IBTK: variants seen among roughly 807,000 people sequenced by gnomAD.
IBTK encodes the protein inhibitor of Bruton tyrosine kinase, also known as BTK-binding protein.
Under a neutral mutation model 154.9 loss-of-function variants are expected in IBTK, and 83 were observed. That is an observed-to-expected ratio of 0.54 (90% CI 0.45 to 0.64). The LOEUF is 0.64. IBTK is among the 30% of genes least tolerant of loss of function. The pLI is 0.00. For missense variants in IBTK, 1,332 were observed against 1,584.6 expected (o/e 0.84, Z 2.71); for synonymous variants, 515 against 536.1 (o/e 0.96, Z 0.54).
At chr6:82,203,612 T>C (rs1322658426) in intron 17 of IBTK, among the ~76,000 whole-genome samples, 1 of 152,098 alleles carries the variant, frequency 6.6e-6, no homozygotes, top group Non-Finnish European at 1.5e-5. Context: ...TATCCACATA[T>C]TCCTAATAAT....
intron 8 of IBTK, among the ~76,000 whole-genome samples, chr6:82,222,061 G>A (rs926294169): frequency 1.3e-5 from 2 of 151,990 alleles, no homozygotes; most frequent in African/African-American, 2.4e-5. Flanking sequence ...CCAGCTAATC[G>A]GGAGGCTGAG....
At chr6:82,196,245 C>T in intron 22 of IBTK, 53 bp downstream of exon 22, 1 of 1,352,750 alleles carries the variant, frequency 7.4e-7, no homozygotes, top group Non-Finnish European at 9.9e-7. Context: ...AAAGATAAAC[C>T]ATCTATAAAT....
chr6:82,234,684 T>C (rs1294583346), intron 2 of IBTK, among the ~76,000 whole-genome samples: 1 of 151,772 alleles, frequency 6.6e-6, no homozygotes, highest in African/African-American at 2.4e-5. Flanking sequence ...ACCCCATAAA[T>C]ACACTGAAAA....
chr6:82,246,441 CTTT>C (rs1554189129), intron 1 of IBTK, among the ~76,000 whole-genome samples: 1 of 111,682 alleles, frequency 9.0e-6, no homozygotes, highest in Non-Finnish European at 1.8e-5. Flanking sequence ...TTACAGGCAT[CTTT>C]TTTTTTTTTT....
At chr6:82,213,614 T>C (rs571882747) in intron 12 of IBTK, among the ~76,000 whole-genome samples, 2 of 152,206 alleles carry the variant, frequency 1.3e-5, no homozygotes, top group East Asian at 3.9e-4. Flanking sequence ...AAGAAAATTG[T>C]CCCAGCCAGG....
rs773076376 is a variant in IBTK at position 82,191,114 on chromosome 6, A to G, written c.3534T>C (p.Val1178=). ...NNSGMNSMET[V]LFTPSKAPKP... Reference sequence around the variant, plus strand: ...TGGGGGCTTTTGAAGGAGTGAATAAAACTGTTTCCATGCTATTCATTCCTG... The same window carrying G: ...TGGGGGCTTTTGAAGGAGTGAATAAGACTGTTTCCATGCTATTCATTCCTG... Residue 1178 remains valine, a synonymous_variant, in exon 25 of 29, where the codon GTT becomes GTC. Coordinates refer to ENST00000306270, the MANE Select transcript of IBTK (RefSeq NM_015525.4). The G allele has an allele frequency of 6.3e-7, 1 of 1,599,890 alleles. No individual in the cohort carries two copies. Among genetic ancestry groups the G allele is most frequent in the South Asian group, 1.1e-5 (1 of 89,038 alleles).
At position 82,195,011 on chromosome 6, in the gene IBTK, TA is replaced by T. The variant is rs1415933952; in HGVS notation, c.3175-370del. ...TATGAAACAAAATGAAAGTTTTGTA[TA>T]AATGTCATATAATTCACTCTGATGT... On this transcript the variant is annotated intron_variant, in intron 22 of 28. Transcript: ENST00000306270. Among the ~76,000 whole-genome samples, 4 of 152,282 alleles carry T rather than the reference TA, an allele frequency of 2.6e-5. No homozygotes were observed. The East Asian group carries it at 7.7e-4, about 29-fold the overall frequency.
intron 16 of IBTK, among the ~76,000 whole-genome samples, chr6:82,208,496 C>T (rs2127811520): frequency 6.6e-6 from 1 of 152,242 alleles, no homozygotes; most frequent in East Asian, 1.9e-4. Context: ...AATCCCAGCA[C>T]TTTGGGAGGC....
rs141234758 is a variant in IBTK, at chr6:82,246,948, CAG to C, written c.-358+612_-358+613del. On this transcript the variant is annotated intron_variant, in intron 1 of 28. Transcript: ENST00000306270. Reference sequence around the variant, plus strand: ...AAGTTTTATGAACTACGTTGGAAAACAGGAGTCAAGGACGGCCTATGTTACCT... The same window carrying C: ...AAGTTTTATGAACTACGTTGGAAAACGAGTCAAGGACGGCCTATGTTACCT... 4.5e-3 allele frequency among the ~76,000 whole-genome samples: 690 copies of C among 152,272 alleles called. 5 individuals are homozygous for C. Among genetic ancestry groups the C allele is most frequent in the African/African-American group, 0.015 (628 of 41,550 alleles).
chr6:82,185,231 T>C (rs2127800522), intron 25 of IBTK, among the ~76,000 whole-genome samples: 1 of 143,256 alleles, frequency 7.0e-6, no homozygotes, highest in Middle Eastern at 3.8e-3. Flanking sequence ...CAGTCATGAA[T>C]ACATTCTATA....
intron 18 of IBTK, 133 bp downstream of exon 18, chr6:82,202,395 A>C: frequency 1.6e-6 from 1 of 638,632 alleles, no homozygotes; most frequent in Admixed American, 2.9e-5. Context: ...ATAACTTCTA[A>C]ATCATCAGCA....
chr6:82,225,789 T>C, intron 5 of IBTK, 142 bp from the exon 6 acceptor site: 1 of 612,138 alleles, frequency 1.6e-6, no homozygotes, highest in Non-Finnish European at 2.7e-6. Context: ...AATTCTACAT[T>C]TCAGCAAAGG....
chr6:82,225,282 C>T (rs1294859583), intron 6 of IBTK, among the ~76,000 whole-genome samples, 195 bp downstream of exon 6: 5 of 151,898 alleles, frequency 3.3e-5, no homozygotes, highest in African/African-American at 4.8e-5. Context: ...TGCACTCCAG[C>T]CTGGGCAACA....
At position 82,223,352 on chromosome 6, in the gene IBTK, G is replaced by A. The variant is rs796131187; in HGVS notation, c.1124+88C>T. 134 of 1,052,700 alleles carry A rather than the reference G, an allele frequency of 1.3e-4. No individual in the cohort carries two copies. The African/African-American group carries it at 2.0e-3, about 16-fold the overall frequency. The allele number at this position is 1,052,700 out of a possible 1,614,324, so 65.2% of individuals were successfully genotyped here. A position where few individuals can be genotyped will look rare whatever the true frequency, so the allele number is the denominator to read the frequency against. On this transcript the variant is annotated intron_variant, in intron 8 of 28. Transcript: ENST00000306270. The stretch of plus-strand genomic sequence containing the variant: ...CAATTTTTTCCATTTGACATTTATA[G>A]AACATAGCATAAAGCTAACACTCAG...
intron 23 of IBTK, among the ~76,000 whole-genome samples, chr6:82,193,579 T>C (rs1768862832): frequency 6.6e-6 from 1 of 152,242 alleles, no homozygotes; most frequent in Admixed American, 6.5e-5. Context: ...ATTAACAGTT[T>C]TAGACTTTAT....
At chr6:82,179,377 T>A (rs904157054) in intron 26 of IBTK, among the ~76,000 whole-genome samples, 12 of 152,122 alleles carry the variant, frequency 7.9e-5, no homozygotes, top group African/African-American at 2.9e-4. Context: ...GGACATGAAG[T>A]TTGTGGTCTT....
chr6:82,211,024 C>A, intron 15 of IBTK, 114 bp from the exon 16 acceptor site: 1 of 496,476 alleles, frequency 2.0e-6, no homozygotes, highest in Non-Finnish European at 3.4e-6. Context: ...ACATCAAATG[C>A]AAAACATAAA....
chr6:82,245,237 G>A (rs1041332253), intron 1 of IBTK, among the ~76,000 whole-genome samples: 1 of 152,110 alleles, frequency 6.6e-6, no homozygotes, highest in African/African-American at 2.4e-5. Context: ...TTCTACAGGA[G>A]ATAAACTATG....
At chr6:82,247,528 C>T in intron 1 of IBTK, 34 bp downstream of exon 1, 1 of 398,894 alleles carries the variant, frequency 2.5e-6, no homozygotes, top group East Asian at 3.6e-5. Flanking sequence ...GGAAGCCGCA[C>T]CGCACGGTCG....
Sources: allele counts gnomAD v4.1 joint callset (sites outside exome capture counted in the v4.1 genomes callset), GRCh38; gene constraint gnomAD v4.1.1; transcripts MANE v1.5; gene names NCBI Gene and HGNC (gene_info 2026-07-23, HGNC 2026-07-21).